The following SLC17A8 variants were observed in gnomAD, a reference collection of about 807,000 sequenced individuals.
SLC17A8 encodes solute carrier family 17 member 8, also known as vesicular glutamate transporter 3.
A neutral mutation model predicts 58.0 loss-of-function variants in SLC17A8; 31 were observed. That is an observed-to-expected ratio of 0.53 (90% CI 0.40 to 0.72). The LOEUF (loss-of-function observed/expected upper bound fraction) is 0.72, where lower values mean the gene tolerates loss of function less well. Among genes scored for constraint, SLC17A8 ranks in the 30% least tolerant of loss-of-function variants. SLC17A8 has a pLI of 0.00. For synonymous variants in SLC17A8, 228 were observed against 249.0 expected (o/e 0.92, Z 0.79); for missense variants, 655 against 727.8 (o/e 0.90, Z 1.15).
chr12:100,398,120 C>T (rs1952765819), intron 5 of SLC17A8, among the ~76,000 whole-genome samples: 1 of 152,164 alleles, frequency 6.6e-6, no homozygotes, highest in African/African-American at 2.4e-5. Context: ...TTTCCTCTTC[C>T]TGCTGGCCTT....
chr12:100,421,615 C>T lies in SLC17A8; in HGVS notation c.*1456C>T, dbSNP rs1330933562. The T allele has an allele frequency of 2.1e-5, 3 of 146,188 alleles. No homozygotes were observed. Among genetic ancestry groups the T allele is most frequent in the African/African-American group, 7.7e-5 (3 of 39,212 alleles). 9.1% of individuals were successfully genotyped at this position (146,188 alleles called of 1,614,324 possible). A position where few individuals can be genotyped will look rare whatever the true frequency, so the allele number is the denominator to read the frequency against. On this transcript the variant is annotated 3_prime_UTR_variant, in exon 12 of 12. Coordinates refer to ENST00000323346, the MANE Select transcript of SLC17A8 (RefSeq NM_139319.3). ...CTACTTTCAGAAGAAAAATATAATA[C>T]GGAAAAAATTATAGATTTACTTGTA... is the stretch of plus-strand genomic sequence containing the variant.
chr12:100,385,556 C>G (rs1358912477), intron 2 of SLC17A8, among the ~76,000 whole-genome samples: 3 of 152,114 alleles, frequency 2.0e-5, no homozygotes, highest in Non-Finnish European at 4.4e-5. Flanking sequence ...TGTCTCTACT[C>G]AGGTGTCCAG....
Position 100,418,125 on chromosome 12 carries a change from C to T in SLC17A8, c.1394C>T (p.Pro465Leu). The T allele has an allele frequency of 6.2e-7, 1 of 1,614,068 alleles. No homozygotes were observed. The highest frequency in any genetic ancestry group is 8.5e-7 in the Non-Finnish European group (1 of 1,180,004). Reference sequence around the variant, plus strand: ...GGAACCCTCTCTGGAATGGTCTGTCCCCTCATTGTCGGTGCAATGACCAGG... The same window carrying T: ...GGAACCCTCTCTGGAATGGTCTGTCTCCTCATTGTCGGTGCAATGACCAGG... ...GVGTLSGMVCPLIVGAMTRHK... is the reference protein window; with the variant it reads ...GVGTLSGMVCLLIVGAMTRHK... The change falls in exon 11 of 12, where the codon CCC becomes CTC. Residue 465 changes from proline (P) to leucine (L), a missense_variant. Transcript: ENST00000323346.
intron 1 of SLC17A8, among the ~76,000 whole-genome samples, chr12:100,368,182 C>T (rs1952533235): frequency 1.3e-5 from 2 of 152,164 alleles, no homozygotes; most frequent in Non-Finnish European, 2.9e-5. Context: ...GAAGTCCAAA[C>T]CCAAGGTGTT....
intron 1 of SLC17A8, among the ~76,000 whole-genome samples, chr12:100,369,150 C>T (rs1292384941): frequency 2.6e-4 from 40 of 152,102 alleles, no homozygotes; most frequent in Non-Finnish European, 1.5e-5. Flanking sequence ...GTGGTACGTG[C>T]CTGTAATCCC....
intron 10 of SLC17A8, among the ~76,000 whole-genome samples, chr12:100,415,927 A>G (rs1470596222): frequency 6.6e-6 from 1 of 152,200 alleles, no homozygotes; most frequent in Non-Finnish European, 1.5e-5. Context: ...CAGGGGCAAT[A>G]ATTCCTCAGA....
At chr12:100,416,025 C>A (rs1465330751) in intron 10 of SLC17A8, among the ~76,000 whole-genome samples, 1 of 152,174 alleles carries the variant, frequency 6.6e-6, no homozygotes, top group East Asian at 1.9e-4. Context: ...ATAGACAAGA[C>A]TGCTGAGATA....
chr12:100,363,020 A>G (rs181315100), intron 1 of SLC17A8, among the ~76,000 whole-genome samples: 3 of 152,326 alleles, frequency 2.0e-5, no homozygotes, highest in East Asian at 1.9e-4. Flanking sequence ...TCCTGCTCCC[A>G]TGATGAAGCG....
chr12:100,415,615 A>T (rs1322263158), intron 10 of SLC17A8, among the ~76,000 whole-genome samples: 1 of 151,916 alleles, frequency 6.6e-6, no homozygotes, highest in East Asian at 1.9e-4. Context: ...TATTTTTTCG[A>T]GACAGGGTCT....
At chr12:100,405,944 C>T (rs554764827) in intron 9 of SLC17A8, among the ~76,000 whole-genome samples, 6 of 151,988 alleles carry the variant, frequency 3.9e-5, no homozygotes, top group Admixed American at 2.0e-4. Context: ...CTCAGGAGTT[C>T]GAAATCAGTC....
At chr12:100,412,693 C>G in intron 9 of SLC17A8, 77 bp from the exon 10 acceptor site, 1 of 914,934 alleles carries the variant, frequency 1.1e-6, no homozygotes, top group Non-Finnish European at 1.8e-6. Flanking sequence ...TAGGTTAGTT[C>G]TTATTTGATA....
At chr12:100,359,118 G>T (rs1310839399) in intron 1 of SLC17A8, among the ~76,000 whole-genome samples, 1 of 152,140 alleles carries the variant, frequency 6.6e-6, no homozygotes, top group Non-Finnish European at 1.5e-5. Flanking sequence ...TAGGGTGACA[G>T]AGTCAGACTC....
intron 1 of SLC17A8, among the ~76,000 whole-genome samples, chr12:100,374,659 T>A (rs1952582113): frequency 6.6e-6 from 1 of 152,014 alleles, no homozygotes; most frequent in Admixed American, 6.6e-5. Context: ...CTGAGCCCCC[T>A]GCCTGGGGGA....
At chr12:100,394,196 C>T (rs1220922760) in intron 4 of SLC17A8, among the ~76,000 whole-genome samples, 3 of 152,214 alleles carry the variant, frequency 2.0e-5, no homozygotes, top group East Asian at 1.9e-4. Flanking sequence ...TGCCAACCCT[C>T]GATATACAGC....
rs73376065 is a variant in SLC17A8, at chr12:100,420,527, C to T, written c.*368C>T. 811 of 221,976 alleles carry T rather than the reference C, an allele frequency of 3.7e-3. 11 individuals carry two copies. The highest frequency in any genetic ancestry group is 0.018 in the African/African-American group (773 of 44,054). The allele number at this position is 221,976 out of a possible 1,614,324, so 13.8% of individuals were successfully genotyped here. ...ATGTAAACAGTAGTAGTAGCTGCCA[C>T]CACATCTCTAGGGTAGCCATGCAGA... On this transcript the variant is annotated 3_prime_UTR_variant, in exon 12 of 12. Coordinates refer to ENST00000323346, the MANE Select transcript of SLC17A8 (RefSeq NM_139319.3).
intron 9 of SLC17A8, among the ~76,000 whole-genome samples, chr12:100,411,275 T>C (rs1385655573): frequency 6.6e-6 from 1 of 151,898 alleles, no homozygotes; most frequent in Non-Finnish European, 1.5e-5. Context: ...CTGGCCAACA[T>C]GGTGAAACCA....
intron 11 of SLC17A8, among the ~76,000 whole-genome samples, chr12:100,419,093 T>A (rs774620103): frequency 3.3e-5 from 5 of 152,202 alleles, no homozygotes; most frequent in Non-Finnish European, 7.3e-5. Context: ...GGCTCAAATA[T>A]TGTTATGTAT....
chr12:100,374,141 G>A (rs1337531747), intron 1 of SLC17A8, among the ~76,000 whole-genome samples: 3 of 152,140 alleles, frequency 2.0e-5, no homozygotes, highest in Non-Finnish European at 4.4e-5. Context: ...AGAGAGGCCA[G>A]GTTATTTGCC....
intron 2 of SLC17A8, among the ~76,000 whole-genome samples, chr12:100,387,068 A>G (rs970430494): frequency 2.6e-5 from 4 of 152,178 alleles, no homozygotes; most frequent in African/African-American, 9.7e-5. Context: ...TTCAGTGAAC[A>G]TGGGGGTACT....
Sources: allele counts gnomAD v4.1 joint callset (sites outside exome capture counted in the v4.1 genomes callset), GRCh38; gene constraint gnomAD v4.1.1; transcripts MANE v1.5; gene names NCBI Gene and HGNC (gene_info 2026-07-23, HGNC 2026-07-21).